The following MKLN1 variants were observed in gnomAD, a reference collection of about 807,000 sequenced individuals.
The protein encoded by MKLN1 is muskelin 1.
A neutral mutation model predicts 99.0 loss-of-function variants in MKLN1; 18 were observed. The observed-to-expected ratio is 0.18, with a 90% CI of 0.13 to 0.27. MKLN1 has a LOEUF of 0.27. Ranked by LOEUF, MKLN1 falls within the 10% of genes least tolerant of loss-of-function variation. The pLI is 1.00. For synonymous variants in MKLN1, 288 were observed against 293.2 expected, an observed-to-expected ratio of 0.98 and a Z score of 0.18; for missense variants, 621 against 875.9, an observed-to-expected ratio of 0.71 and a Z score of 3.67.
At chr7:131,484,057 TTAA>T (rs778225632) in intron 17 of MKLN1, among the ~76,000 whole-genome samples, 4 of 152,162 alleles carry the variant, frequency 2.6e-5, no homozygotes, top group Non-Finnish European at 2.9e-5. Context: ...TTTTTTTAAG[TTAA>T]TGATGTGGCT....
In MKLN1 at chr7:131,378,856, G is replaced by GCA. The variant is rs199600859; in HGVS notation, c.168+3371_168+3372dup. Among the ~76,000 whole-genome samples, 534 of 150,650 alleles carry GCA rather than the reference G, an allele frequency of 3.5e-3. 2 individuals are homozygous for GCA. The highest frequency in any genetic ancestry group is 0.012 in the African/African-American group (509 of 41,008). ...AAAAAGAAAAAATACACGCACGTGT[G>GCA]CACACACACGCACGCAAAGCTGGGA... is the stretch of plus-strand genomic sequence containing the variant. On this transcript the variant is annotated intron_variant, in intron 2 of 17. Coordinates refer to ENST00000352689, the MANE Select transcript of MKLN1 (RefSeq NM_013255.5).
At chr7:131,297,539 G>T (rs548095780) in intron 3 of MKLN1, among the ~76,000 whole-genome samples, 1 of 151,982 alleles carries the variant, frequency 6.6e-6, no homozygotes, top group African/African-American at 2.4e-5. Flanking sequence ...CCTTGAGTAT[G>T]TGTAGATTTT....
chr7:131,463,477 T>G, intron 13 of MKLN1, 113 bp downstream of exon 13: 1 of 1,148,928 alleles, frequency 8.7e-7, no homozygotes. Context: ...CATTGTATAT[T>G]TAAAAGTCAG....
chr7:131,273,626 T>C (rs1406392113), intron 3 of MKLN1, among the ~76,000 whole-genome samples: 1 of 148,844 alleles, frequency 6.7e-6, no homozygotes, highest in East Asian at 2.0e-4. Context: ...ACTTTTTTTT[T>C]CCTTTTTTTT....
At chr7:131,336,698 G>A (rs1799259484) in intron 1 of MKLN1, among the ~76,000 whole-genome samples, 1 of 152,070 alleles carries the variant, frequency 6.6e-6, no homozygotes, top group Non-Finnish European at 1.5e-5. Context: ...CTCAGACATT[G>A]TTAGGACCCT....
chr7:131,192,205 A>G lies in MKLN1; in HGVS notation c.-296-10652A>G, dbSNP rs1563247498. Among the ~76,000 whole-genome samples, 40 of 70,088 alleles carry G rather than the reference A, an allele frequency of 5.7e-4. 8 individuals carry two copies. The highest frequency in any genetic ancestry group is 2.1e-3 in the African/African-American group (32 of 15,156). The allele number at this position is 70,088 out of a possible 152,430, so 46.0% of individuals were successfully genotyped here. On this transcript the variant is annotated intron_variant, in intron 2 of 7. Transcript: ENST00000416992. Reference sequence around the variant, plus strand: ...AAATATATAAAATATAATATATACAATATATAAATATATAAAATATATACA... The same window carrying G: ...AAATATATAAAATATAATATATACAGTATATAAATATATAAAATATATACA...
At chr7:131,228,571 G>T (rs73491133) in intron 3 of MKLN1, among the ~76,000 whole-genome samples, 1 of 152,030 alleles carries the variant, frequency 6.6e-6, no homozygotes, top group Admixed American at 6.6e-5. Context: ...TCTCAGCCTC[G>T]CTTTCTTCAT....
intron 2 of MKLN1, among the ~76,000 whole-genome samples, chr7:131,152,599 A>C (rs1210418306): frequency 6.6e-6 from 1 of 151,020 alleles, no homozygotes; most frequent in Non-Finnish European, 1.5e-5. Context: ...TCCTGGGGTC[A>C]AGCGATTCTC....
intron 16 of MKLN1, among the ~76,000 whole-genome samples, chr7:131,475,190 AC>A (rs1321985416): frequency 6.6e-6 from 1 of 152,170 alleles, no homozygotes; most frequent in Non-Finnish European, 1.5e-5. Flanking sequence ...ATCAGTTTAG[AC>A]CCTACATATA....
intron 12 of MKLN1, among the ~76,000 whole-genome samples, chr7:131,461,885 A>G (rs974532005): frequency 2.6e-5 from 4 of 152,200 alleles, no homozygotes; most frequent in Non-Finnish European, 5.9e-5. Context: ...GTCATTTGCC[A>G]TATCAGTGTT....
chr7:131,168,312 T>C (rs1021405719), intron 2 of MKLN1, among the ~76,000 whole-genome samples: 1 of 152,184 alleles, frequency 6.6e-6, no homozygotes, highest in Non-Finnish European at 1.5e-5. Flanking sequence ...TTCTCACTCC[T>C]GACTCCTTCC....
At position 131,411,351 on chromosome 7, in the gene MKLN1, G is replaced by A. The variant is rs202126990; in HGVS notation, c.749G>A (p.Arg250Gln). 1.1e-4 allele frequency: 170 copies of A among 1,611,964 alleles called. 1 individual carries two copies. The highest frequency in any genetic ancestry group is 3.2e-4 in the Admixed American group (19 of 60,000). Residue 250 changes from arginine to glutamine, a missense_variant, in exon 7 of 18, where the codon CGA becomes CAA. Coordinates refer to ENST00000352689, the MANE Select transcript of MKLN1 (RefSeq NM_013255.5). ...ATCAGTCAACAGGAATATAAGCCAC[G>A]ATGGAGTCAAATCATTCCCAAAAGT... ...QYISQQEYKP[R>Q]WSQIIPKSTK...
chr7:131,275,410 C>T (rs1478998102), intron 3 of MKLN1, among the ~76,000 whole-genome samples: 3 of 135,058 alleles, frequency 2.2e-5, no homozygotes, highest in Non-Finnish European at 4.7e-5. Context: ...ACTCTGTCTC[C>T]CAGGCTGGAG....
At chr7:131,328,318 G>A in intron 1 of MKLN1, 1 of 300,800 alleles carries the variant, frequency 3.3e-6, no homozygotes. Context: ...GGGGCGGACG[G>A]CTCTGGGGCA....
At chr7:131,376,093 GAAATATATATATAT>G (rs2116849344) in intron 2 of MKLN1, among the ~76,000 whole-genome samples, 2 of 71,512 alleles carry the variant, frequency 2.8e-5, no homozygotes, top group South Asian at 1.1e-3. Context: ...ATAATTCATG[GAAATATATATATAT>G]ATATATATAT....
intron 1 of MKLN1, among the ~76,000 whole-genome samples, chr7:131,331,657 A>G (rs1799078771): frequency 6.6e-6 from 1 of 152,146 alleles, no homozygotes; most frequent in Admixed American, 6.5e-5. Flanking sequence ...AATGTAGGTG[A>G]TAAGGTTCTC....
At chr7:131,111,515 G>C (rs1028640896) in intron 1 of MKLN1, among the ~76,000 whole-genome samples, 2 of 152,150 alleles carry the variant, frequency 1.3e-5, no homozygotes, top group African/African-American at 2.4e-5. Flanking sequence ...TTATCAAACT[G>C]ATCCTCTTGG....
intron 8 of MKLN1, among the ~76,000 whole-genome samples, chr7:131,421,005 A>G (rs967201668): frequency 6.6e-6 from 1 of 152,166 alleles, no homozygotes; most frequent in Non-Finnish European, 1.5e-5. Flanking sequence ...TTTATTGGTT[A>G]TATTCGAACA....
intron 8 of MKLN1, among the ~76,000 whole-genome samples, chr7:131,423,530 C>T (rs1191112468): frequency 6.6e-6 from 1 of 152,114 alleles, no homozygotes; most frequent in African/African-American, 2.4e-5. Flanking sequence ...CAGGCTTTCT[C>T]CATGTTGGTC....
Sources: gnomAD v4.1 joint callset for allele counts (sites outside exome capture counted in the v4.1 genomes callset) on GRCh38, gnomAD v4.1.1 for gene constraint, MANE v1.5 for transcripts, NCBI Gene and HGNC (gene_info 2026-07-23, HGNC 2026-07-21) for gene names.